The following ELAVL2 variants were observed in gnomAD, a reference collection of about 807,000 sequenced individuals.
ELAVL2 encodes the protein ELAV like RNA binding protein 2.
In ELAVL2, 4 loss-of-function variants were observed where a neutral mutation model predicts 34.6. The ratio of observed to expected loss-of-function variants is 0.12; its 90% CI spans 0.06 to 0.26. ELAVL2 has a LOEUF of 0.26. Among genes scored for constraint, ELAVL2 ranks in the 10% least tolerant of loss-of-function variants. ELAVL2 has a pLI of 1.00. For missense variants in ELAVL2, 432 were observed against 442.8 expected, an observed-to-expected ratio of 0.98 and a Z score of 0.22; for synonymous variants, 193 against 154.8, an observed-to-expected ratio of 1.25 and a Z score of -1.83.
At chr9:23,808,770 A>C (rs909323194) in intron 1 of ELAVL2, among the ~76,000 whole-genome samples, 1 of 152,188 alleles carries the variant, frequency 6.6e-6, no homozygotes, top group Non-Finnish European at 1.5e-5. Flanking sequence ...AATGAGAGAG[A>C]GAAAGAAATG....
At chr9:23,735,834 G>A (rs944843973) in intron 2 of ELAVL2, among the ~76,000 whole-genome samples, 3 of 152,126 alleles carry the variant, frequency 2.0e-5, no homozygotes, top group Admixed American at 2.0e-4. Context: ...AAGCACTCCA[G>A]AGGCCTCTGA....
intron 1 of ELAVL2, among the ~76,000 whole-genome samples, chr9:23,777,987 T>C (rs2058492120): frequency 6.6e-6 from 1 of 152,046 alleles, no homozygotes; most frequent in South Asian, 2.1e-4. Context: ...TGGCCTACTC[T>C]GAACATTCTT....
At chr9:23,809,751 C>A (rs927428558) in intron 1 of ELAVL2, among the ~76,000 whole-genome samples, 52 of 152,276 alleles carry the variant, frequency 3.4e-4, no homozygotes, top group African/African-American at 1.3e-3. Context: ...AAAAAGAGCA[C>A]ATGGCCTCTT....
chr9:23,798,425 T>C (rs2061215154), intron 1 of ELAVL2, among the ~76,000 whole-genome samples: 1 of 152,108 alleles, frequency 6.6e-6, no homozygotes, highest in South Asian at 2.1e-4. Context: ...GCCATTTCCT[T>C]ACCTATAAAA....
chr9:23,789,683 T>A (rs770376542), intron 1 of ELAVL2, among the ~76,000 whole-genome samples: 1 of 152,198 alleles, frequency 6.6e-6, no homozygotes, highest in African/African-American at 2.4e-5. Flanking sequence ...ACAATCTGAA[T>A]GGCAAGAAAT....
At chr9:23,834,300 T>A in the ELAVL2 span, among the ~76,000 whole-genome samples, 1 of 152,018 alleles carries the variant, frequency 6.6e-6, no homozygotes, top group Non-Finnish European at 1.5e-5. Context: ...CTCCTTTATA[T>A]AGGAACATCA....
At chr9:23,845,587 G>A in the ELAVL2 span, among the ~76,000 whole-genome samples, 1 of 151,000 alleles carries the variant, frequency 6.6e-6, no homozygotes, top group Non-Finnish European at 1.5e-5. Flanking sequence ...TAATAACCTG[G>A]TTCTTAAAAT....
At chr9:23,742,661 G>T (rs964643434) in intron 2 of ELAVL2, among the ~76,000 whole-genome samples, 2 of 152,132 alleles carry the variant, frequency 1.3e-5, no homozygotes, top group African/African-American at 4.8e-5. Context: ...ATATCAAAAA[G>T]AAAGAGCAGA....
At chr9:23,810,221 A>T (rs2062798091) in intron 1 of ELAVL2, among the ~76,000 whole-genome samples, 1 of 152,006 alleles carries the variant, frequency 6.6e-6, no homozygotes, top group African/African-American at 2.4e-5. Flanking sequence ...TATGGTTCCA[A>T]AAAGTAATCC....
At chr9:23,812,519 C>A (rs2063145405) in intron 1 of ELAVL2, among the ~76,000 whole-genome samples, 1 of 151,956 alleles carries the variant, frequency 6.6e-6, no homozygotes, top group African/African-American at 2.4e-5. Flanking sequence ...AGTAACTAAG[C>A]CACCCTGAGG....
At chr9:23,831,314 C>G (rs1181252598), upstream of ELAVL2, 1 of 152,408 alleles carries the variant, frequency 6.6e-6, no homozygotes, top group Non-Finnish European at 1.5e-5. Context: ...GTCTCTAACT[C>G]TTTCCCTCCT....
chr9:23,820,971 T>C (rs1165853191), intron 1 of ELAVL2, among the ~76,000 whole-genome samples: 2 of 151,848 alleles, frequency 1.3e-5, no homozygotes, highest in Non-Finnish European at 2.9e-5. Context: ...GCTCCTGCCC[T>C]GGGCGCCCGC....
At chr9:23,820,673 G>A (rs559458274) in intron 1 of ELAVL2, among the ~76,000 whole-genome samples, 2 of 152,308 alleles carry the variant, frequency 1.3e-5, no homozygotes, top group African/African-American at 2.4e-5. Flanking sequence ...ACGGCCACTG[G>A]AGGAGCACCT....
chr9:23,727,613 G>T (rs2045545993), intron 3 of ELAVL2, among the ~76,000 whole-genome samples: 1 of 152,034 alleles, frequency 6.6e-6, no homozygotes, highest in Non-Finnish European at 1.5e-5. Context: ...ATAAAAAACA[G>T]AACCCGGAAT....
intron 2 of ELAVL2, among the ~76,000 whole-genome samples, chr9:23,731,847 A>G (rs1245044955): frequency 6.6e-6 from 1 of 152,172 alleles, no homozygotes; most frequent in African/African-American, 2.4e-5. Context: ...GTCTAGAGTA[A>G]AAGTTGCTTC....
chr9:23,830,286 C>T (rs1338250966), upstream of ELAVL2: 1 of 152,168 alleles, frequency 6.6e-6, no homozygotes, highest in African/African-American at 2.4e-5. Flanking sequence ...TGAGTGACTC[C>T]CAAGACTATT....
chr9:23,849,708 T>C, the ELAVL2 span: 3 of 152,170 alleles, frequency 2.0e-5, no homozygotes, highest in Non-Finnish European at 4.4e-5. Flanking sequence ...AACATATAAA[T>C]ACAGAACTTG....
chr9:23,793,118 A>G (rs2060515550), intron 1 of ELAVL2, among the ~76,000 whole-genome samples: 1 of 152,054 alleles, frequency 6.6e-6, no homozygotes, highest in African/African-American at 2.4e-5. Flanking sequence ...GACAATTTGG[A>G]ATGTCCTCTC....
chr9:23,798,007 T>C (rs188000303), intron 1 of ELAVL2, among the ~76,000 whole-genome samples: 3 of 152,292 alleles, frequency 2.0e-5, no homozygotes, highest in Admixed American at 2.0e-4. Flanking sequence ...GAAAAAGTTA[T>C]TTGGCTAGTT....
Sources: gnomAD v4.1 joint callset for allele counts (sites outside exome capture counted in the v4.1 genomes callset) on GRCh38, gnomAD v4.1.1 for gene constraint, MANE v1.5 for transcripts, NCBI Gene and HGNC (gene_info 2026-07-23, HGNC 2026-07-21) for gene names.